Variants in THRB observed in about 807,000 individuals in gnomAD.
THRB encodes the protein thyroid hormone receptor beta, also known as nuclear receptor subfamily 1 group A member 2.
Under a neutral mutation model 47.8 loss-of-function variants are expected in THRB, and 12 were observed. The ratio of observed to expected loss-of-function variants is 0.25; its 90% confidence interval spans 0.16 to 0.41. The LOEUF (loss-of-function observed/expected upper bound fraction) is 0.41. Ranked by LOEUF, THRB falls within the 10% of genes least tolerant of loss-of-function variation. The probability of loss-of-function intolerance (pLI) is 1.00; values close to 1 mark genes in which losing one functional copy is unlikely to be tolerated. For synonymous variants in THRB, 218 were observed against 212.2 expected (o/e 1.03, Z -0.24); for missense variants, 348 against 589.2 (o/e 0.59, Z 4.24).
At chr3:24,311,989 C>A (rs1426983981) in intron 2 of THRB, among the ~76,000 whole-genome samples, 1 of 152,210 alleles carries the variant, frequency 6.6e-6, no homozygotes, top group Non-Finnish European at 1.5e-5. Flanking sequence ...CTCCATCTTG[C>A]CACTGTGTTG....
intron 1 of THRB, among the ~76,000 whole-genome samples, chr3:24,406,282 T>C (rs2067822182): frequency 1.3e-5 from 2 of 151,842 alleles, no homozygotes; most frequent in South Asian, 4.1e-4. Flanking sequence ...TTTAATCTTT[T>C]AAAAAAGAAT....
intron 3 of THRB, among the ~76,000 whole-genome samples, chr3:24,240,326 G>C (rs2049356078): frequency 6.6e-6 from 1 of 152,192 alleles, no homozygotes; most frequent in Admixed American, 6.5e-5. Flanking sequence ...AATCAGGCTT[G>C]GTTATTATTC....
chr3:24,487,249 C>T (rs550426219), intron 1 of THRB, among the ~76,000 whole-genome samples: 17 of 151,968 alleles, frequency 1.1e-4, no homozygotes, highest in Admixed American at 1.0e-3. Flanking sequence ...AAGGTTAAAA[C>T]ATATGAGCCT....
chr3:24,317,296 A>G (rs1363727389), intron 2 of THRB, among the ~76,000 whole-genome samples: 1 of 152,132 alleles, frequency 6.6e-6, no homozygotes, highest in Non-Finnish European at 1.5e-5. Flanking sequence ...ACAAGTTGCT[A>G]CATAGATGGA....
intron 1 of THRB, among the ~76,000 whole-genome samples, chr3:24,416,191 A>T (rs532559380): frequency 6.6e-6 from 1 of 151,986 alleles, no homozygotes; most frequent in African/African-American, 2.4e-5. Flanking sequence ...ATATGGAGTC[A>T]AGGACCTGTA....
chr3:24,286,985 T>C (rs1010921408), intron 3 of THRB, among the ~76,000 whole-genome samples: 1 of 152,132 alleles, frequency 6.6e-6, no homozygotes, highest in African/African-American at 2.4e-5. Context: ...TAGACAGAAG[T>C]TGAAGTTGGG....
At chr3:24,211,197 CAAA>C (rs370498415) in intron 4 of THRB, among the ~76,000 whole-genome samples, 8 of 100,024 alleles carry the variant, frequency 8.0e-5, no homozygotes, top group Non-Finnish European at 6.8e-5. Flanking sequence ...GACTCCATCT[CAAA>C]AAAAAAAAAA....
At chr3:24,268,127 C>T (rs1406982936) in intron 3 of THRB, among the ~76,000 whole-genome samples, 2 of 152,054 alleles carry the variant, frequency 1.3e-5, no homozygotes, top group African/African-American at 2.4e-5. Context: ...ACACAGCCAA[C>T]ATCATCGAGA....
At chr3:24,385,934 G>T (rs758967783) in intron 1 of THRB, among the ~76,000 whole-genome samples, 1 of 152,118 alleles carries the variant, frequency 6.6e-6, no homozygotes, top group Non-Finnish European at 1.5e-5. Context: ...CACAGTGGCA[G>T]GTTACTTCAT....
intron 3 of THRB, among the ~76,000 whole-genome samples, chr3:24,266,175 C>T (rs921971972): frequency 3.3e-5 from 5 of 152,154 alleles, no homozygotes; most frequent in Non-Finnish European, 5.9e-5. Flanking sequence ...ATCATAGAGT[C>T]TCTGCCCTCT....
chr3:24,245,067 C>T (rs2049974170), intron 3 of THRB, among the ~76,000 whole-genome samples: 1 of 152,158 alleles, frequency 6.6e-6, no homozygotes, highest in Admixed American at 6.5e-5. Context: ...TTGGGAATCC[C>T]TAAGATGTGA....
At chr3:24,172,772 G>A (rs1402358960) in intron 5 of THRB, among the ~76,000 whole-genome samples, 1 of 152,104 alleles carries the variant, frequency 6.6e-6, no homozygotes, top group Admixed American at 6.5e-5. Flanking sequence ...GATTTCCAAA[G>A]GGCAAGAGAC....
At chr3:24,273,607 A>G (rs2053579248) in intron 3 of THRB, among the ~76,000 whole-genome samples, 1 of 152,236 alleles carries the variant, frequency 6.6e-6, no homozygotes, top group African/African-American at 2.4e-5. Flanking sequence ...TTCATAACTT[A>G]GTTGGTGGCA....
At chr3:24,145,186 A>G (rs2035934852) in intron 7 of THRB, among the ~76,000 whole-genome samples, 1 of 151,918 alleles carries the variant, frequency 6.6e-6, no homozygotes, top group Admixed American at 6.6e-5. Flanking sequence ...GATGAACATT[A>G]TCTAATTTAA....
chr3:24,481,700 T>C (rs1696449840), intron 1 of THRB, among the ~76,000 whole-genome samples: 1 of 152,002 alleles, frequency 6.6e-6, no homozygotes. Context: ...CCAGAGAGGA[T>C]TTTAATCTCA....
At chr3:24,318,245 C>T (rs1033682926) in intron 2 of THRB, 4 of 152,192 alleles carry the variant, frequency 2.6e-5, no homozygotes, top group African/African-American at 9.7e-5. Flanking sequence ...TAAGTACATC[C>T]TTCATGATCA....
chr3:24,123,653 A>G, intron 10 of THRB, among the ~76,000 whole-genome samples: 1 of 152,220 alleles, frequency 6.6e-6, no homozygotes, highest in East Asian at 1.9e-4. Flanking sequence ...GTTGTCTTCC[A>G]GGCTGCAATG....
chr3:24,443,278 A>G (rs1301878575), intron 1 of THRB, among the ~76,000 whole-genome samples: 1 of 152,218 alleles, frequency 6.6e-6, no homozygotes, highest in African/African-American at 2.4e-5. Flanking sequence ...AGATGAATTG[A>G]TTAGAGAAAA....
At position 24,421,361 on chromosome 3, in the gene THRB, TA is replaced by T. The variant is rs60203372; in HGVS notation, c.-261+73290del. Among the ~76,000 whole-genome samples, 210 of 145,516 alleles carry T rather than the reference TA, an allele frequency of 1.4e-3. 1 individual carries two copies. Among genetic ancestry groups the T allele is most frequent in the Middle Eastern group, 3.5e-3 (1 of 286 alleles). ...CCTGAACCTAAAATAAAAGTCACAT[TA>T]AAAAAAAAAAACCTCTTTAAGGCTT... is the stretch of plus-strand genomic sequence containing the variant. On this transcript the variant is annotated intron_variant, in intron 1 of 10. Transcript: ENST00000646209.
Sources: allele counts gnomAD v4.1 joint callset (sites outside exome capture counted in the v4.1 genomes callset), GRCh38; gene constraint gnomAD v4.1.1; transcripts MANE v1.5; gene names NCBI Gene and HGNC (gene_info 2026-07-23, HGNC 2026-07-21).